The following SDR39U1 variants were observed in gnomAD, a reference collection of about 807,000 sequenced individuals.
SDR39U1 encodes epimerase family protein SDR39U1.
In SDR39U1, 29 loss-of-function variants were observed where a neutral mutation model predicts 31.7. The observed-to-expected ratio is 0.92, with a 90% confidence interval of 0.68 to 1.25. The LOEUF (loss-of-function observed/expected upper bound fraction) is 1.25. Ranked by LOEUF, SDR39U1 falls within the 50% of genes most tolerant of loss-of-function variation. The pLI is 0.00. For missense variants in SDR39U1, 403 were observed against 378.4 expected, an observed-to-expected ratio of 1.06 and a Z score of -0.54; for synonymous variants, 147 against 159.0, an observed-to-expected ratio of 0.92 and a Z score of 0.57.
intron 3 of SDR39U1, 151 bp from the exon 4 acceptor site, chr14:24,441,946 G>C: frequency 7.4e-7 from 1 of 1,342,698 alleles, no homozygotes; most frequent in South Asian, 1.3e-5. Flanking sequence ...CCTGTAGAGG[G>C]AAAGGGCATT....
At chr14:24,441,887 A>G (rs2043353629) in intron 3 of SDR39U1, 92 bp from the exon 4 acceptor site, 4 of 1,497,324 alleles carry the variant, frequency 2.7e-6, no homozygotes, top group Non-Finnish European at 3.6e-6. Context: ...TTTCATACCA[A>G]TTTCTTGTAA....
At chr14:24,442,537 C>T in intron 1 of SDR39U1, 85 bp from the exon 2 acceptor site, 1 of 1,347,272 alleles carries the variant, frequency 7.4e-7, no homozygotes. Context: ...CCTCTTCCGG[C>T]GCCATCCCAT....
intron 4 of SDR39U1, 170 bp from the exon 5 acceptor site, chr14:24,441,096 T>G: frequency 2.9e-6 from 2 of 692,556 alleles, no homozygotes; most frequent in Non-Finnish European, 4.9e-6. Context: ...GAAGCGTTCC[T>G]TCCCTGGAGG....
chr14:24,442,583 C>T (rs768801507), intron 1 of SDR39U1, 131 bp from the exon 2 acceptor site: 1 of 1,225,950 alleles, frequency 8.2e-7, no homozygotes, highest in Non-Finnish European at 1.2e-6. Context: ...TCCCCCTCCT[C>T]GCGATGCAGA....
rs1289138916 is a variant in SDR39U1 at position 24,440,171 on chromosome 14, T to C, written c.794A>G (p.Gln265Arg). Reference sequence around the variant, plus strand: ...CAGTGTTCGCTGTGGGATCACCTTCTGGCCCTCCAGCAGCATGATGGCACG... The same window carrying C: ...CAGTGTTCGCTGTGGGATCACCTTCCGGCCCTCCAGCAGCATGATGGCACG... ...RQRAIMLLEG[Q>R]KVIPQRTLAT... Residue 265 changes from glutamine (Q) to arginine (R), a missense_variant, in exon 6 of 6, where the codon CAG (glutamine) becomes CGG (arginine). Transcript: ENST00000399395. The C allele has an allele frequency of 6.2e-7, 1 of 1,613,896 alleles. No homozygotes were observed. Among genetic ancestry groups the C allele is most frequent in the Non-Finnish European group, 8.5e-7 (1 of 1,179,820 alleles).
At chr14:24,442,609 A>C in intron 1 of SDR39U1, 145 bp downstream of exon 1, 1 of 1,246,600 alleles carries the variant, frequency 8.0e-7, no homozygotes, top group South Asian at 1.2e-5. Context: ...CACAGGTCAC[A>C]GGGATTAGGG....
At chr14:24,442,065 T>C in intron 3 of SDR39U1, 113 bp downstream of exon 3, 1 of 1,547,728 alleles carries the variant, frequency 6.5e-7, no homozygotes, top group Non-Finnish European at 8.7e-7. Context: ...GTCTGGGATA[T>C]CGGTTTAGTT....
Position 24,440,273 on chromosome 14 carries a change from G to A in SDR39U1, c.692C>T (p.Thr231Ile), listed in dbSNP as rs1400349861. 5 of 1,613,976 alleles carry A rather than the reference G, an allele frequency of 3.1e-6. No individual in the cohort carries two copies. In the South Asian group the frequency reaches 5.5e-5, roughly 18 times the overall value. Residue 231 changes from threonine (T) to isoleucine (I), a missense_variant, in exon 6 of 6, where the codon ACC (threonine) becomes ATC (isoleucine). Physicochemically the swap from Thr to Ile is moderately conservative, Grantham distance 89 (BLOSUM62 -1). Coordinates refer to ENST00000399395, the MANE Select transcript of SDR39U1 (RefSeq NM_020195.3). ...SSATNAEFAQ[T>I]LGAALGRRAF... ...TCGGCGGCCCAGGGCAGCACCCAAGGTCTGGGCAAACTCAGCATTAGTGGC... is the reference window on the plus strand; with the variant it reads ...TCGGCGGCCCAGGGCAGCACCCAAGATCTGGGCAAACTCAGCATTAGTGGC...
Position 24,442,436 on chromosome 14 carries a change from G to T in SDR39U1, c.33C>A (p.Phe11Leu). Residue 11 changes from phenylalanine to leucine, a missense_variant, in exon 2 of 6, where the codon TTC becomes TTA. Transcript: ENST00000399395. MRVLVGGGTG[F>L]IGTALTQLLN... Reference sequence around the variant, plus strand: ...GCAGCTGGGTTAGGGCTGTCCCAATGAAGCCTGTCCCGCCACCTGATCGGA... The same window carrying T: ...GCAGCTGGGTTAGGGCTGTCCCAATTAAGCCTGTCCCGCCACCTGATCGGA... 1.6e-5 allele frequency: 25 copies of T among 1,607,362 alleles called. No homozygotes were observed. The highest frequency in any genetic ancestry group is 2.0e-5 in the Non-Finnish European group (24 of 1,176,854).
Position 24,440,058 on chromosome 14 carries a change from G to T in SDR39U1, c.*25C>A, listed in dbSNP as rs772664840. On this transcript the variant is annotated 3_prime_UTR_variant, in exon 6 of 6. Coordinates refer to ENST00000399395, the MANE Select transcript of SDR39U1 (RefSeq NM_020195.3). Reference sequence around the variant, plus strand: ...TAACCTGGAAGCCTGTGAGGAACAGGCCTCAGGCCCTTGCCACGACCTACT... The same window carrying T: ...TAACCTGGAAGCCTGTGAGGAACAGTCCTCAGGCCCTTGCCACGACCTACT... 1.2e-5 allele frequency: 19 copies of T among 1,558,650 alleles called. No homozygotes were observed. Among genetic ancestry groups the T allele is most frequent in the Non-Finnish European group, 1.7e-5 (19 of 1,147,382 alleles).
intron 4 of SDR39U1, chr14:24,441,194 C>T: frequency 1.8e-6 from 1 of 544,984 alleles, no homozygotes; most frequent in Non-Finnish European, 3.3e-6. Flanking sequence ...GAATTTTAAT[C>T]AGCTCCCTCA....
In SDR39U1 at chr14:24,440,224, A is replaced by T; in HGVS notation, c.741T>A (p.Ala247=). The stretch of plus-strand genomic sequence containing the variant: ...GTCGCCCAAAGACAGCTTGCACCAC[A>T]GCGCTGGGGAGAGGGATGAAGGCTC... The part of the protein sequence containing the change: ...GRRAFIPLPS[A]VVQAVFGRQR... Residue 247 remains alanine, a synonymous_variant, in exon 6 of 6, where the codon GCT becomes GCA. Coordinates refer to ENST00000399395, the MANE Select transcript of SDR39U1 (RefSeq NM_020195.3). 1 of 1,613,848 alleles carries T rather than the reference A, an allele frequency of 6.2e-7. No homozygotes were observed. Among genetic ancestry groups the T allele is most frequent in the Non-Finnish European group, 8.5e-7 (1 of 1,179,726 alleles).
Position 24,440,352 on chromosome 14 carries a change from C to A in SDR39U1, c.613G>T (p.Ala205Ser). The A allele has an allele frequency of 6.2e-7, 1 of 1,614,022 alleles. No homozygotes were observed. Among genetic ancestry groups the A allele is most frequent in the Non-Finnish European group, 8.5e-7 (1 of 1,179,886 alleles). Residue 205 changes from alanine (A) to serine (S), a missense_variant, in exon 6 of 6, where the codon GCC becomes TCC. By Grantham distance (99) the Ala-to-Ser change is moderately conservative. Transcript: ENST00000399395. ...IGDLAGILTH[A>S]LEANHVHGVL... Reference sequence around the variant, plus strand: ...CCGTGCACGTGGTTTGCTTCAAGGGCATGGGTCAGGATTCCTGCCAGGTCC... The same window carrying A: ...CCGTGCACGTGGTTTGCTTCAAGGGAATGGGTCAGGATTCCTGCCAGGTCC...
In SDR39U1 at chr14:24,440,036, C is replaced by G; in HGVS notation, c.*47G>C. ...AGCTGAGCCTATTCACAGTGCCTAA[C>G]CTGGAAGCCTGTGAGGAACAGGCCT... On this transcript the variant is annotated 3_prime_UTR_variant, in exon 6 of 6. Coordinates refer to ENST00000399395, the MANE Select transcript of SDR39U1 (RefSeq NM_020195.3). 1 of 1,507,538 alleles carries G rather than the reference C, an allele frequency of 6.6e-7. No homozygotes were observed. Among genetic ancestry groups the G allele is most frequent in the Non-Finnish European group, 9.0e-7 (1 of 1,116,106 alleles). The allele number at this position is 1,507,538 out of a possible 1,614,324, so 93.4% of individuals were successfully genotyped here.
In SDR39U1 at chr14:24,440,923, T is replaced by G. The variant is rs1441933751; in HGVS notation, c.332A>C (p.Tyr111Ser). The change falls in exon 5 of 6, where the codon TAC becomes TCC. Residue 111 changes from tyrosine (Y) to serine (S), a missense_variant. Physicochemically the swap from Tyr to Ser is moderately radical, Grantham distance 144 (BLOSUM62 -2). Transcript: ENST00000399395. ...CTCCGCAGTCAGACTGGGCTGGTAG[T>G]AAGCTGCCGGTGGAACACAATCATT... is the stretch of plus-strand genomic sequence containing the variant. ...KAWVLVTGVA[Y>S]YQPSLTAEYD... 1.9e-6 allele frequency: 3 copies of G among 1,614,046 alleles called. No homozygotes were observed. Among genetic ancestry groups the G allele is most frequent in the Admixed American group, 3.3e-5 (2 of 60,032 alleles).
At chr14:24,441,988 G>T (rs1373461820) in intron 3 of SDR39U1, 190 bp downstream of exon 3, 4 of 1,392,414 alleles carry the variant, frequency 2.9e-6, no homozygotes, top group Non-Finnish European at 4.0e-6. Context: ...TATACGTGAG[G>T]ACTTAAGCCA....
intron 1 of SDR39U1, 28 bp from the exon 2 acceptor site, chr14:24,442,480 T>G: frequency 6.4e-7 from 1 of 1,565,918 alleles, no homozygotes; most frequent in Non-Finnish European, 8.7e-7. Context: ...ATTGTTTATA[T>G]TCCCGTGGAG....
intron 4 of SDR39U1, 58 bp downstream of exon 4, chr14:24,441,616 G>A (rs769756994): frequency 5.5e-6 from 8 of 1,453,190 alleles, no homozygotes; most frequent in East Asian, 2.3e-5. Context: ...AGCTACAGAG[G>A]TCTGAGTTAC....
At position 24,441,693 on chromosome 14, in the gene SDR39U1, C is replaced by T. The variant is rs764512128; in HGVS notation, c.309G>A (p.Trp103Ter). ...ITKAPQPPKA[W>*]VLVTGVAYYQ... The stretch of plus-strand genomic sequence containing the variant: ...GCGTACCTACACCTGTGACTAAGAC[C>T]CAGGCCTTGGGGGGTTGTGGGGCTT... The change falls in exon 4 of 6, where the codon TGG becomes TGA. Residue 103 changes from tryptophan (W) to a stop codon, truncating the protein, a stop_gained. Coordinates refer to ENST00000399395, the MANE Select transcript of SDR39U1 (RefSeq NM_020195.3). LOFTEE classifies it high-confidence loss of function. 4 of 1,589,804 alleles carry T rather than the reference C, an allele frequency of 2.5e-6. No individual in the cohort carries two copies. The highest frequency in any genetic ancestry group is 1.4e-5 in the African/African-American group (1 of 73,160).
Sources: gnomAD v4.1 joint callset for allele counts on GRCh38, gnomAD v4.1.1 for gene constraint, MANE v1.5 for transcripts, NCBI Gene and HGNC (gene_info 2026-07-23, HGNC 2026-07-21) for gene names.